The following PLCXD3 variants were observed in gnomAD, a reference collection of about 807,000 sequenced individuals.
The protein encoded by PLCXD3 is PI-PLC X domain-containing protein 3.
A neutral mutation model predicts 25.5 loss-of-function variants in PLCXD3; 19 were observed. The observed-to-expected ratio is 0.75, with a 90% confidence interval of 0.52 to 1.09. The LOEUF (loss-of-function observed/expected upper bound fraction) is 1.09. Ranked by LOEUF, PLCXD3 falls within the 50% of genes least tolerant of loss-of-function variation. The pLI, the probability that PLCXD3 is intolerant of heterozygous loss-of-function variation, is 0.00. For synonymous variants in PLCXD3, 174 were observed against 137.6 expected, an observed-to-expected ratio of 1.26 and a Z score of -1.85; for missense variants, 411 against 388.1, an observed-to-expected ratio of 1.06 and a Z score of -0.50.
chr5:41,344,903 T>C (rs1319552572), intron 2 of PLCXD3, among the ~76,000 whole-genome samples: 1 of 152,186 alleles, frequency 6.6e-6, no homozygotes, highest in Admixed American at 6.5e-5. Context: ...GAGGAGTTAA[T>C]GGTGAATAAA....
At chr5:41,494,437 A>G (rs1439371234) in intron 1 of PLCXD3, among the ~76,000 whole-genome samples, 1 of 152,206 alleles carries the variant, frequency 6.6e-6, no homozygotes, top group African/African-American at 2.4e-5. Flanking sequence ...TACATTTTAG[A>G]GAAATATTCC....
intron 2 of PLCXD3, among the ~76,000 whole-genome samples, chr5:41,365,509 G>T (rs1485532298): frequency 1.3e-5 from 2 of 152,130 alleles, no homozygotes; most frequent in Non-Finnish European, 2.9e-5. Context: ...CAAGGAGATT[G>T]TCCTGTAACT....
At chr5:41,374,346 G>A (rs1745216202) in intron 2 of PLCXD3, among the ~76,000 whole-genome samples, 1 of 152,122 alleles carries the variant, frequency 6.6e-6, no homozygotes, top group African/African-American at 2.4e-5. Context: ...GGCTGGGAAA[G>A]GGTTGCTTTC....
chr5:41,404,075 A>T (rs1746282640), intron 1 of PLCXD3, among the ~76,000 whole-genome samples: 1 of 152,184 alleles, frequency 6.6e-6, no homozygotes, highest in Admixed American at 6.6e-5. Flanking sequence ...CAAATGACTC[A>T]TATAAATTGG....
chr5:41,430,908 G>A (rs959111288), intron 1 of PLCXD3, among the ~76,000 whole-genome samples: 5 of 152,290 alleles, frequency 3.3e-5, no homozygotes, highest in South Asian at 2.1e-4. Flanking sequence ...CCATCAAAAT[G>A]TTTCCATCTG....
chr5:41,323,533 T>A (rs1328503757), intron 2 of PLCXD3, among the ~76,000 whole-genome samples: 2 of 152,004 alleles, frequency 1.3e-5, no homozygotes, highest in Non-Finnish European at 2.9e-5. Context: ...AGAAAAGAAA[T>A]ACATAGCAAC....
intron 2 of PLCXD3, among the ~76,000 whole-genome samples, chr5:41,368,495 A>G (rs919018951): frequency 4.6e-5 from 7 of 152,158 alleles, no homozygotes; most frequent in African/African-American, 1.7e-4. Context: ...AGATAGTTTG[A>G]CTTTCTCTCT....
chr5:41,489,012 T>C (rs913934647), intron 1 of PLCXD3, among the ~76,000 whole-genome samples: 8 of 152,196 alleles, frequency 5.3e-5, no homozygotes. Context: ...CCCATGCCTA[T>C]GTCCTGAATG....
intron 1 of PLCXD3, among the ~76,000 whole-genome samples, chr5:41,416,830 C>T (rs1343841360): frequency 6.6e-6 from 1 of 152,178 alleles, no homozygotes; most frequent in African/African-American, 2.4e-5. Flanking sequence ...AGCTTTTCTA[C>T]ACCTCCACTG....
At chr5:41,372,148 G>A (rs1745114366) in intron 2 of PLCXD3, among the ~76,000 whole-genome samples, 1 of 151,996 alleles carries the variant, frequency 6.6e-6, no homozygotes, top group African/African-American at 2.4e-5. Context: ...TTTTAAGCTA[G>A]TTTCTTTTAG....
chr5:41,442,065 T>A (rs941143831), intron 1 of PLCXD3, among the ~76,000 whole-genome samples: 4 of 152,214 alleles, frequency 2.6e-5, no homozygotes, highest in Non-Finnish European at 5.9e-5. Flanking sequence ...TTGAAGAACA[T>A]GGAGATCAGC....
At chr5:41,381,799 T>TC (rs35812696) in intron 2 of PLCXD3, 27 bp downstream of exon 2, 1,133,947 of 1,543,832 alleles carry the variant, frequency 0.73, 420,605 homozygotes, top group Middle Eastern at 0.83. Context: ...ATTTGAGGTT[T>TC]CCCCCTGACA....
Position 41,312,796 on chromosome 5 carries a change from G to A in PLCXD3, c.*821C>T, listed in dbSNP as rs191791364. On this transcript the variant is annotated 3_prime_UTR_variant, in exon 3 of 3. Transcript: ENST00000377801. ...GGCTTTTTAAAGAGTTATTTTCAGA[G>A]TTTTCAATTTTAACACACTTGTACC... The A allele has an allele frequency of 2.7e-5, 4 of 149,196 alleles. No individual in the cohort carries two copies. The highest frequency in any genetic ancestry group is 2.0e-4 in the Admixed American group (3 of 14,694). The allele number at this position is 149,196 out of a possible 1,614,324, so 9.2% of individuals were successfully genotyped here. A position where few individuals can be genotyped will look rare whatever the true frequency, so the allele number is the denominator to read the frequency against.
At chr5:41,507,479 G>A (rs1749072256) in intron 1 of PLCXD3, among the ~76,000 whole-genome samples, 2 of 152,278 alleles carry the variant, frequency 1.3e-5, no homozygotes, top group Admixed American at 6.5e-5. Context: ...ATATCATGAA[G>A]CCATTTAAAT....
At chr5:41,390,844 A>C (rs1176520892) in intron 1 of PLCXD3, among the ~76,000 whole-genome samples, 1 of 152,186 alleles carries the variant, frequency 6.6e-6, no homozygotes, top group African/African-American at 2.4e-5. Flanking sequence ...TGAATGGCTG[A>C]CGCCACTCTT....
At chr5:41,424,491 G>T (rs1167170697) in intron 1 of PLCXD3, among the ~76,000 whole-genome samples, 1 of 152,132 alleles carries the variant, frequency 6.6e-6, no homozygotes, top group Non-Finnish European at 1.5e-5. Flanking sequence ...GGTGAGCCAA[G>T]ATCGTGCCAC....
chr5:41,404,653 T>C (rs1391962965), intron 1 of PLCXD3, among the ~76,000 whole-genome samples: 1 of 152,168 alleles, frequency 6.6e-6, no homozygotes, highest in Non-Finnish European at 1.5e-5. Flanking sequence ...AACTTGTATA[T>C]GATATATAGT....
intron 1 of PLCXD3, among the ~76,000 whole-genome samples, chr5:41,441,513 T>C (rs1042045085): frequency 3.9e-5 from 6 of 152,132 alleles, no homozygotes; most frequent in Admixed American, 3.9e-4. Flanking sequence ...CTCTAAACAG[T>C]CTCCTGAAGA....
chr5:41,400,030 A>ATT (rs1405444402), intron 1 of PLCXD3, among the ~76,000 whole-genome samples: 1 of 152,142 alleles, frequency 6.6e-6, no homozygotes, highest in African/African-American at 2.4e-5. Flanking sequence ...TGGACAAAAG[A>ATT]GCTGAATAGA....
Sources: gnomAD v4.1 joint callset for allele counts (sites outside exome capture counted in the v4.1 genomes callset) on GRCh38, gnomAD v4.1.1 for gene constraint, MANE v1.5 for transcripts, NCBI Gene and HGNC (gene_info 2026-07-23, HGNC 2026-07-21) for gene names.